The following GALNT13 variants were observed in gnomAD, a reference collection of about 807,000 sequenced individuals.
GALNT13 encodes the protein UDP-GalNAc:polypeptide N-acetylgalactosaminyltransferase 13.
In GALNT13, 28 loss-of-function variants were observed where a neutral mutation model predicts 64.2. The ratio of observed to expected loss-of-function variants is 0.44; its 90% CI spans 0.32 to 0.60. The LOEUF (loss-of-function observed/expected upper bound fraction) is 0.60, where lower values mean the gene tolerates loss of function less well. Ranked by LOEUF, GALNT13 falls within the 20% of genes least tolerant of loss-of-function variation. The probability of loss-of-function intolerance (pLI) is 0.05; values close to 1 mark genes in which losing one functional copy is unlikely to be tolerated. For synonymous variants in GALNT13, 214 were observed against 224.6 expected, an observed-to-expected ratio of 0.95 and a Z score of 0.42; for missense variants, 577 against 669.8, an observed-to-expected ratio of 0.86 and a Z score of 1.53.
At chr2:154,282,176 A>C (rs1691996116) in intron 8 of GALNT13, among the ~76,000 whole-genome samples, 1 of 152,126 alleles carries the variant, frequency 6.6e-6, no homozygotes, top group South Asian at 2.1e-4. Context: ...CTATGACCTG[A>C]AAAATTCTCC....
At chr2:153,731,041 T>A in the GALNT13 span, among the ~76,000 whole-genome samples, 1 of 151,822 alleles carries the variant, frequency 6.6e-6, no homozygotes, top group African/African-American at 2.4e-5. Context: ...CATTATTAGA[T>A]GATTGGATAA....
At chr2:153,900,210 A>G (rs997447005) in intron 1 of GALNT13, among the ~76,000 whole-genome samples, 3 of 152,156 alleles carry the variant, frequency 2.0e-5, no homozygotes, top group Admixed American at 6.5e-5. Flanking sequence ...ATAACACCGT[A>G]TATACTCCGT....
chr2:154,227,225 G>A (rs1688666390), intron 4 of GALNT13, among the ~76,000 whole-genome samples: 1 of 152,084 alleles, frequency 6.6e-6, no homozygotes, highest in Admixed American at 6.6e-5. Context: ...GGGAGGGGCT[G>A]TCTCACTGAG....
chr2:154,320,770 A>G lies in GALNT13; in HGVS notation c.1156+19181A>G, dbSNP rs114023630. On this transcript the variant is annotated intron_variant, in intron 9 of 12. Coordinates refer to ENST00000392825, the MANE Select transcript of GALNT13 (RefSeq NM_052917.4). ...CTGAAGAAGGCTCTTTCTTTTTTCTACTTTCAGATGCCATCTTATTCTGGT... is the reference window on the plus strand; with the variant it reads ...CTGAAGAAGGCTCTTTCTTTTTTCTGCTTTCAGATGCCATCTTATTCTGGT... Among the ~76,000 whole-genome samples, 1,282 of 152,056 alleles carry G rather than the reference A, an allele frequency of 8.4e-3. 8 individuals are homozygous for G. The highest frequency in any genetic ancestry group is 0.031 in the Middle Eastern group (9 of 294).
chr2:153,497,522 ATTTTTTTTTTTTTTTTTTTTTT>A, the GALNT13 span, among the ~76,000 whole-genome samples: 1 of 36,896 alleles, frequency 2.7e-5, no homozygotes, highest in Non-Finnish European at 4.8e-5. Context: ...TTTCTCCCGC[ATTTTTTTTTTTTTTTTTTTTTT>A]TTTTTTTTTT....
At chr2:153,933,489 A>G (rs1321911015) in intron 2 of GALNT13, among the ~76,000 whole-genome samples, 1 of 152,126 alleles carries the variant, frequency 6.6e-6, no homozygotes, top group African/African-American at 2.4e-5. Context: ...TGAAGTCAGC[A>G]TATGCTTGAG....
chr2:153,541,373 C>T, the GALNT13 span, among the ~76,000 whole-genome samples: 46,381 of 151,952 alleles, frequency 0.31, 7,375 homozygotes, highest in South Asian at 0.45. Flanking sequence ...TATAAATTAC[C>T]GAGTCTCAGA....
intron 11 of GALNT13, among the ~76,000 whole-genome samples, chr2:154,430,724 A>G (rs1424336093): frequency 2.0e-5 from 3 of 152,146 alleles, no homozygotes; most frequent in Admixed American, 6.5e-5. Flanking sequence ...GTGAAAGGAA[A>G]AGTTGATTGA....
the GALNT13 span, chr2:153,478,122 A>T: frequency 2.5e-6 from 2 of 797,126 alleles, no homozygotes; most frequent in Non-Finnish European, 2.0e-6. Flanking sequence ...CGAAGTCGAG[A>T]GAAATAATTG....
At chr2:153,730,428 AC>A in the GALNT13 span, among the ~76,000 whole-genome samples, 1 of 151,956 alleles carries the variant, frequency 6.6e-6, no homozygotes, top group Non-Finnish European at 1.5e-5. Context: ...GTCACCATAT[AC>A]AAAAATCAAC....
At chr2:154,044,386 G>T (rs1001230061) in intron 3 of GALNT13, among the ~76,000 whole-genome samples, 7 of 152,190 alleles carry the variant, frequency 4.6e-5, no homozygotes, top group Admixed American at 4.6e-4. Context: ...CATTTCAGAT[G>T]GAGGCACTCC....
intron 3 of GALNT13, among the ~76,000 whole-genome samples, chr2:154,110,352 G>GAGAGAGAGAGAGAGAGAGAGAGAGAGAC (rs1702900360): frequency 2.3e-5 from 2 of 88,410 alleles, no homozygotes; most frequent in African/African-American, 1.0e-4. Context: ...GAGAGAGAGA[G>GAGAGAGAGAGAGAGAGAGAGAGAGAGAC]AGAGAGAGAG....
At chr2:153,956,341 C>T (rs999234913) in intron 3 of GALNT13, among the ~76,000 whole-genome samples, 3 of 152,118 alleles carry the variant, frequency 2.0e-5, no homozygotes, top group African/African-American at 4.8e-5. Context: ...GGTAATTTAG[C>T]AAATCAATAC....
the GALNT13 span, among the ~76,000 whole-genome samples, chr2:153,395,126 TCCA>T: frequency 6.6e-6 from 1 of 152,156 alleles, no homozygotes; most frequent in African/African-American, 2.4e-5. Flanking sequence ...TTCTTTCTAG[TCCA>T]CTATGAAGAG....
At chr2:154,288,839 C>T (rs1692433251) in intron 8 of GALNT13, among the ~76,000 whole-genome samples, 1 of 152,186 alleles carries the variant, frequency 6.6e-6, no homozygotes, top group Admixed American at 6.5e-5. Flanking sequence ...GCACGGAGTG[C>T]CTTTGGCTTT....
At chr2:153,159,822 G>C in the GALNT13 span, 2 of 152,182 alleles carry the variant, frequency 1.3e-5, no homozygotes, top group South Asian at 2.1e-4. Context: ...TTTCTGTATT[G>C]CTGTCTACTG....
the GALNT13 span, among the ~76,000 whole-genome samples, chr2:153,511,282 CAA>C: frequency 7.2e-6 from 1 of 139,748 alleles, no homozygotes; most frequent in African/African-American, 2.6e-5. Context: ...GGGTCCACTG[CAA>C]AAAAAAAAGG....
intron 8 of GALNT13, among the ~76,000 whole-genome samples, chr2:154,265,515 A>C (rs1237654497): frequency 1.3e-5 from 2 of 152,100 alleles, no homozygotes; most frequent in Non-Finnish European, 2.9e-5. Context: ...CCTAGCCAAC[A>C]TGATGAAACC....
chr2:153,697,939 T>C, the GALNT13 span, among the ~76,000 whole-genome samples: 2 of 152,194 alleles, frequency 1.3e-5, no homozygotes, highest in African/African-American at 4.8e-5. Context: ...GAGGCCAATA[T>C]TCAACATCCT....
Sources: allele counts gnomAD v4.1 joint callset (sites outside exome capture counted in the v4.1 genomes callset), GRCh38; gene constraint gnomAD v4.1.1; transcripts MANE v1.5; gene names NCBI Gene and HGNC (gene_info 2026-07-23, HGNC 2026-07-21).